The following RAB27B variants were observed in gnomAD, a reference collection of about 807,000 sequenced individuals.
RAB27B encodes the protein ras-related protein Rab-27B.
RAB27B carries 15 observed loss-of-function variants against 24.6 expected under a neutral mutation model. The observed-to-expected ratio is 0.61, with a 90% CI of 0.41 to 0.94. The LOEUF (loss-of-function observed/expected upper bound fraction) is 0.94. Among genes scored for constraint, RAB27B ranks in the 40% least tolerant of loss-of-function variants. The pLI is 0.00. For synonymous variants in RAB27B, 105 were observed against 92.5 expected (o/e 1.14, Z -0.78); for missense variants, 261 against 266.8 (o/e 0.98, Z 0.15).
At chr18:54,787,036 C>A (rs1007266088) in intron 2 of RAB27B, among the ~76,000 whole-genome samples, 1 of 152,174 alleles carries the variant, frequency 6.6e-6, no homozygotes, top group African/African-American at 2.4e-5. Context: ...TTTAACAGTT[C>A]AAGACACAGT....
chr18:54,721,659 C>A (rs1035338869), intron 2 of RAB27B, among the ~76,000 whole-genome samples: 2 of 152,084 alleles, frequency 1.3e-5, no homozygotes, highest in East Asian at 1.9e-4. Context: ...AAAAAGCAAG[C>A]AATTAAATAT....
Position 54,861,304 on chromosome 18 carries a change from T to C in RAB27B, c.-19-16263T>C, listed in dbSNP as rs28461398. Among the ~76,000 whole-genome samples the C allele has an allele frequency of 1.6e-3, 243 of 152,360 alleles. 2 individuals carry two copies. The highest frequency in any genetic ancestry group is 5.5e-3 in the African/African-American group (229 of 41,590). ...TCTTTAATTTAAAACCAAATCTTTT[T>C]CTTTATGGAGACATTGTTTAGGAGT... is the stretch of plus-strand genomic sequence containing the variant. On this transcript the variant is annotated intron_variant, in intron 1 of 5. Transcript: ENST00000262094.
intron 2 of RAB27B, among the ~76,000 whole-genome samples, chr18:54,757,643 TTATCTC>T (rs1889804082): frequency 6.6e-6 from 1 of 152,084 alleles, no homozygotes; most frequent in African/African-American, 2.4e-5. Flanking sequence ...ACAATGTAAT[TTATCTC>T]TAAGGACCAA....
At chr18:54,839,445 C>T (rs1436185015) in intron 1 of RAB27B, among the ~76,000 whole-genome samples, 2 of 152,110 alleles carry the variant, frequency 1.3e-5, no homozygotes, top group Non-Finnish European at 2.9e-5. Flanking sequence ...CAAACATTCT[C>T]CCATTGTAGC....
intron 2 of RAB27B, among the ~76,000 whole-genome samples, chr18:54,751,100 G>A (rs1907816215): frequency 6.6e-6 from 1 of 152,176 alleles, no homozygotes; most frequent in South Asian, 2.1e-4. Flanking sequence ...AGGGCAGTCA[G>A]ACAGCTTTTT....
At chr18:54,886,948 A>G (rs999094961) in intron 4 of RAB27B, among the ~76,000 whole-genome samples, 1 of 149,518 alleles carries the variant, frequency 6.7e-6, no homozygotes, top group African/African-American at 2.5e-5. Flanking sequence ...GGTTTCTTAT[A>G]TTTTTTTCCC....
chr18:54,825,200 G>A (rs144667755), upstream of RAB27B, among the ~76,000 whole-genome samples: 261 of 152,068 alleles, frequency 1.7e-3, no homozygotes, highest in African/African-American at 5.9e-3. Flanking sequence ...TTTTTTCCTT[G>A]TATGTGATCT....
In RAB27B at chr18:54,884,326, T is replaced by C. The variant is rs1913044309; in HGVS notation, c.240-7T>C. ...TTTCAGAACTACCCACTGTGTTTCC[T>C]TGGCAGGTTCCGGAGTCTCACCACT... On this transcript the variant is annotated splice_polypyrimidine_tract_variant and splice_region_variant and intron_variant, in intron 3 of 5. Transcript: ENST00000262094. 2 of 1,589,166 alleles carry C rather than the reference T, an allele frequency of 1.3e-6. No individual in the cohort carries two copies. Among genetic ancestry groups the C allele is most frequent in the Non-Finnish European group, 1.7e-6 (2 of 1,157,768 alleles).
chr18:54,864,633 C>G (rs914665506), intron 1 of RAB27B, among the ~76,000 whole-genome samples: 1 of 151,760 alleles, frequency 6.6e-6, no homozygotes, highest in Non-Finnish European at 1.5e-5. Context: ...TTTAATTTTT[C>G]TATAAAAGCT....
At chr18:54,726,374 T>C (rs1285145235) in intron 2 of RAB27B, among the ~76,000 whole-genome samples, 1 of 151,586 alleles carries the variant, frequency 6.6e-6, no homozygotes, top group Non-Finnish European at 1.5e-5. Flanking sequence ...AAGTATGACA[T>C]CATTTTTGCT....
chr18:54,721,215 G>A (rs942010456), intron 2 of RAB27B, among the ~76,000 whole-genome samples: 30 of 152,096 alleles, frequency 2.0e-4, no homozygotes, highest in African/African-American at 6.0e-4. Context: ...GGACACATAC[G>A]CAATGTGTTC....
At position 54,757,577 on chromosome 18, in the gene RAB27B, T is replaced by A. The variant is rs1908047940; in HGVS notation, c.-20+39436T>A. ...AACCTCTTGTATATATAATGAATTG[T>A]TATATGTGTTCACTAAGAACTGAAT... is the stretch of plus-strand genomic sequence containing the variant. On this transcript the variant is annotated intron_variant, in intron 2 of 4. Transcript: ENST00000586570. 2.0e-5 allele frequency among the ~76,000 whole-genome samples: 3 copies of A among 152,288 alleles called. No individual in the cohort carries two copies. In the South Asian group the frequency reaches 6.2e-4, roughly 32 times the overall value.
intron 1 of RAB27B, among the ~76,000 whole-genome samples, chr18:54,847,702 CAG>C (rs888919734): frequency 2.2e-4 from 34 of 152,176 alleles, no homozygotes; most frequent in Non-Finnish European, 3.8e-4. Context: ...CAGAAAAAAA[CAG>C]AAGACTGAGT....
In RAB27B at chr18:54,770,538, T is replaced by A. The variant is rs1908511367; in HGVS notation, c.-20+52397T>A. Among the ~76,000 whole-genome samples, 4 of 152,088 alleles carry A rather than the reference T, an allele frequency of 2.6e-5. No individual in the cohort carries two copies. The South Asian group carries it at 8.3e-4, about 32-fold the overall frequency. On this transcript the variant is annotated intron_variant, in intron 2 of 4. Coordinates refer to the RAB27B transcript ENST00000586570. ...TCTACATTATGGTGAGTTGTATAAT[T>A]ATTTCATTATCTAGTGCAATGTAAT...
intron 1 of RAB27B, among the ~76,000 whole-genome samples, chr18:54,854,205 T>A (rs1445718490): frequency 6.6e-6 from 1 of 152,222 alleles, no homozygotes; most frequent in Admixed American, 6.6e-5. Flanking sequence ...TAGAAATTGT[T>A]ACAATATCTT....
intron 2 of RAB27B, among the ~76,000 whole-genome samples, chr18:54,779,286 T>G (rs899454281): frequency 6.6e-6 from 1 of 152,242 alleles, no homozygotes; most frequent in Non-Finnish European, 1.5e-5. Flanking sequence ...GAGAGCTTAT[T>G]GATGGTGCCA....
At chr18:54,862,593 A>T (rs1200250352) in intron 1 of RAB27B, among the ~76,000 whole-genome samples, 7 of 152,206 alleles carry the variant, frequency 4.6e-5, no homozygotes, top group Non-Finnish European at 1.0e-4. Flanking sequence ...TCCTACTGGA[A>T]TACTTAAGCT....
At chr18:54,887,236 A>T (rs1913182030) in intron 4 of RAB27B, among the ~76,000 whole-genome samples, 1 of 151,926 alleles carries the variant, frequency 6.6e-6, no homozygotes, top group Admixed American at 6.6e-5. Flanking sequence ...AGGAAAGGTA[A>T]CAACTTCCTA....
chr18:54,801,759 G>A (rs1298776309), intron 2 of RAB27B, among the ~76,000 whole-genome samples: 1 of 152,188 alleles, frequency 6.6e-6, no homozygotes, highest in Non-Finnish European at 1.5e-5. Context: ...GAGGACAGTG[G>A]CCTCACTGTG....
Sources: gnomAD v4.1 joint callset for allele counts (sites outside exome capture counted in the v4.1 genomes callset) on GRCh38, gnomAD v4.1.1 for gene constraint, MANE v1.5 for transcripts, NCBI Gene and HGNC (gene_info 2026-07-23, HGNC 2026-07-21) for gene names.